BOP1: variants seen among roughly 807,000 people sequenced by gnomAD.
The protein encoded by BOP1 is ribosome biogenesis protein BOP1.
BOP1 carries 54 observed loss-of-function variants against 82.9 expected under a neutral mutation model. The ratio of observed to expected loss-of-function variants is 0.65; its 90% CI spans 0.52 to 0.82. BOP1 has a LOEUF of 0.82. BOP1 is among the 40% of genes least tolerant of loss of function. BOP1 has a pLI of 0.00. For missense variants in BOP1, 1,170 were observed against 1,072.0 expected, an observed-to-expected ratio of 1.09 and a Z score of -1.28; for synonymous variants, 566 against 451.1, an observed-to-expected ratio of 1.25 and a Z score of -3.23.
At chr8:144,267,113 C>T in intron 3 of BOP1, 1 of 1,470,560 alleles carries the variant, frequency 6.8e-7, no homozygotes, top group Non-Finnish European at 8.9e-7. Context: ...CCGCCTCCCG[C>T]CCGCGACGGC....
At position 144,266,689 on chromosome 8, in the gene BOP1, G is replaced by C. The variant is rs1406178587; in HGVS notation, c.391-1618C>G. 1.0e-5 allele frequency: 13 copies of C among 1,244,466 alleles called. No homozygotes were observed. In the African/African-American group the frequency reaches 2.1e-4, roughly 20 times the overall value. The allele number at this position is 1,244,466 out of a possible 1,614,324, so 77.1% of individuals were successfully genotyped here. ...CGAGGTGAGCCCGCTGTCGGAGGACGAGGACCGCGGCAGCGACAGCTCGGG... is the reference window on the plus strand; with the variant it reads ...CGAGGTGAGCCCGCTGTCGGAGGACCAGGACCGCGGCAGCGACAGCTCGGG... On this transcript the variant is annotated intron_variant, in intron 3 of 15. Coordinates refer to ENST00000569669, the MANE Select transcript of BOP1 (RefSeq NM_015201.5).
intron 2 of BOP1, chr8:144,281,866 C>T (rs1588605080): frequency 6.6e-6 from 1 of 152,194 alleles, no homozygotes; most frequent in Admixed American, 6.5e-5. Context: ...AGGTTTGGCT[C>T]ACCGCATCCA....
intron 3 of BOP1, among the ~76,000 whole-genome samples, chr8:144,270,689 C>T (rs2130224992): frequency 6.6e-6 from 1 of 152,256 alleles, no homozygotes; most frequent in Admixed American, 6.5e-5. Context: ...GCAGCCCACC[C>T]GAATCCACTC....
intron 3 of BOP1, among the ~76,000 whole-genome samples, chr8:144,271,395 C>A (rs1158815898): frequency 6.6e-6 from 1 of 152,124 alleles, no homozygotes; most frequent in African/African-American, 2.4e-5. Context: ...CCGCCTCTCC[C>A]ACCTGTCCCC....
rs992676159 is a variant in BOP1 at position 144,276,333 on chromosome 8, T to G, written c.310-29A>C. The G allele has an allele frequency of 9.9e-6, 16 of 1,608,508 alleles. No individual in the cohort carries two copies. In the Admixed American group the frequency reaches 2.5e-4, roughly 25 times the overall value. ...CAGAGAGAGAGAGAAAATGGTCACT[T>G]CAGGGGATACAGGGTACCCTTTGAC... On this transcript the variant is annotated intron_variant, in intron 2 of 15. Transcript: ENST00000569669.
At chr8:144,286,711 G>A (rs1179991786) in intron 2 of BOP1, among the ~76,000 whole-genome samples, 3 of 152,248 alleles carry the variant, frequency 2.0e-5, no homozygotes. Flanking sequence ...GCAGCGTGGG[G>A]AACTCTGAGG....
chr8:144,262,299 G>A lies in BOP1; in HGVS notation c.2106C>T (p.Pro702=), dbSNP rs1845211429. 37 of 1,612,770 alleles carry A rather than the reference G, an allele frequency of 2.3e-5. No individual in the cohort carries two copies. The highest frequency in any genetic ancestry group is 3.0e-5 in the Non-Finnish European group (35 of 1,179,824). The part of the protein sequence containing the change: ...GMVYNDLLQN[P]LLVPVKVLKG... ...TCAGCACCTTGACGGGCACCAGCAA[G>A]GGGTTCTGCAGAAGGTCACTGTGGG... Residue 702 remains proline (P), a synonymous_variant, in exon 16 of 16, where the codon CCC becomes CCT. Transcript: ENST00000569669.
intron 3 of BOP1, chr8:144,267,005 T>G: frequency 6.5e-7 from 1 of 1,540,706 alleles, no homozygotes; most frequent in Non-Finnish European, 8.7e-7. Context: ...GGCAACGTGC[T>G]GCTGGCGGGC....
chr8:144,271,308 G>A (rs1468346899), intron 3 of BOP1, among the ~76,000 whole-genome samples: 1 of 152,028 alleles, frequency 6.6e-6, no homozygotes. Context: ...GGGCTGGCCC[G>A]CTGCCCGCCT....
rs11986868 is a variant in BOP1, at chr8:144,280,628, G to A, written c.310-4324C>T. On this transcript the variant is annotated intron_variant, in intron 2 of 15. Transcript: ENST00000569669. The stretch of plus-strand genomic sequence containing the variant: ...AGCACTTTGGGAGACCGAGGCAGGC[G>A]GATCAGTTGAGGTTAAGAGTTCGAG... Among the ~76,000 whole-genome samples, 1,196 of 152,340 alleles carry A rather than the reference G, an allele frequency of 7.9e-3. 17 individuals are homozygous for A. The highest frequency in any genetic ancestry group is 0.028 in the African/African-American group (1,147 of 41,580).
intron 5 of BOP1, 24 bp from the exon 6 acceptor site, chr8:144,264,640 T>A (rs1845315339): frequency 1.3e-6 from 2 of 1,574,712 alleles, no homozygotes; most frequent in African/African-American, 1.3e-5. Flanking sequence ...TGTGGGCGTG[T>A]GGGCCAGAGT....
chr8:144,278,197 G>T (rs1236375381), intron 2 of BOP1, among the ~76,000 whole-genome samples: 1 of 152,250 alleles, frequency 6.6e-6, no homozygotes, highest in African/African-American at 2.4e-5. Context: ...GGGTCTGAAG[G>T]ACCGACGGGT....
At chr8:144,266,305 C>A (rs1490869107) in intron 3 of BOP1, among the ~76,000 whole-genome samples, 1 of 150,344 alleles carries the variant, frequency 6.7e-6, no homozygotes, top group Admixed American at 6.6e-5. Flanking sequence ...ACCAGCCCCG[C>A]CCCCCCCACC....
chr8:144,289,401 C>T (rs1814972427), intron 1 of BOP1, 97 bp from the exon 2 acceptor site: 1 of 1,317,346 alleles, frequency 7.6e-7, no homozygotes, highest in Non-Finnish European at 1.1e-6. Context: ...AGCCACCCAC[C>T]AGCAGCTCCA....
chr8:144,268,289 G>A (rs1845428123), intron 3 of BOP1: 11 of 1,214,448 alleles, frequency 9.1e-6, no homozygotes, highest in East Asian at 2.6e-5. Context: ...GAGCGGGGCC[G>A]AGGGACAGAC....
chr8:144,283,201 C>CAAAAAAAAAAAAAAAAAAAAAAAAA (rs60868806), intron 2 of BOP1, among the ~76,000 whole-genome samples: 6 of 54,330 alleles, frequency 1.1e-4, no homozygotes, highest in Non-Finnish European at 1.7e-4. Context: ...AACTCCATCT[C>CAAAAAAAAAAAAAAAAAAAAAAAAA]AAAAAAAAAA....
At position 144,264,702 on chromosome 8, in the gene BOP1, C is replaced by G. The variant is rs1302005903; in HGVS notation, c.663+12G>C. The G allele has an allele frequency of 3.8e-6, 6 of 1,568,152 alleles. No individual in the cohort carries two copies. The Admixed American group carries it at 7.6e-5, about 20-fold the overall frequency. ...GACCCCCGCCGCCCAGGGGCCAGCC[C>G]CTGCCACCTACCTCATAGGGGTTGA... On this transcript the variant is annotated intron_variant, in intron 5 of 15. Transcript: ENST00000569669.
intron 2 of BOP1, among the ~76,000 whole-genome samples, chr8:144,286,255 C>T (rs1315291172): frequency 6.6e-6 from 1 of 152,254 alleles, no homozygotes; most frequent in Non-Finnish European, 1.5e-5. Flanking sequence ...GAGGATCACA[C>T]TTTAGAACTG....
chr8:144,264,827 T>C lies in BOP1; in HGVS notation c.550A>G (p.Thr184Ala). The change falls in exon 5 of 16, where the codon ACC becomes GCC. Residue 184 changes from threonine to alanine, a missense_variant. Thr to Ala is a moderately conservative substitution (Grantham distance 58). Coordinates refer to ENST00000569669, the MANE Select transcript of BOP1 (RefSeq NM_015201.5). Reference sequence around the variant, plus strand: ...CGCCCTGTCATCGGGTCCTGCACGGTGCGCCTGGAGACCGCCAGTCAGACC... The same window carrying C: ...CGCCCTGTCATCGGGTCCTGCACGGCGCGCCTGGAGACCGCCAGTCAGACC... The part of the protein sequence containing the change: ...DKMDDPDYWR[T>A]VQDPMTGRDL... 1 of 1,609,098 alleles carries C rather than the reference T, an allele frequency of 6.2e-7. No homozygotes were observed. The highest frequency in any genetic ancestry group is 8.5e-7 in the Non-Finnish European group (1 of 1,179,132).
Sources: allele counts gnomAD v4.1 joint callset (sites outside exome capture counted in the v4.1 genomes callset), GRCh38; gene constraint gnomAD v4.1.1; transcripts MANE v1.5; gene names NCBI Gene and HGNC (gene_info 2026-07-23, HGNC 2026-07-21).